Variants in GPC6 observed in about 807,000 individuals in gnomAD.
The protein encoded by GPC6 is glypican-6.
In GPC6, 14 loss-of-function variants were observed where a neutral mutation model predicts 55.2. The observed-to-expected ratio is 0.25, with a 90% CI of 0.17 to 0.40. The LOEUF (loss-of-function observed/expected upper bound fraction) is 0.40, where lower values mean the gene tolerates loss of function less well. Among genes scored for constraint, GPC6 ranks in the 10% least tolerant of loss-of-function variants. GPC6 has a pLI of 1.00. For missense variants in GPC6, 641 were observed against 708.5 expected, an observed-to-expected ratio of 0.90 and a Z score of 1.08; for synonymous variants, 278 against 259.6, an observed-to-expected ratio of 1.07 and a Z score of -0.68.
At chr13:93,957,877 T>C (rs1449022599) in intron 3 of GPC6, among the ~76,000 whole-genome samples, 1 of 152,044 alleles carries the variant, frequency 6.6e-6, no homozygotes. Context: ...GCAGCCTCAA[T>C]TATATTTGAG....
intron 3 of GPC6, among the ~76,000 whole-genome samples, chr13:93,932,398 T>C (rs1188880021): frequency 6.6e-6 from 1 of 152,138 alleles, no homozygotes; most frequent in East Asian, 1.9e-4. Context: ...TAGATTGATG[T>C]GGAAATCACC....
At chr13:94,274,106 C>A (rs920320673) in intron 4 of GPC6, among the ~76,000 whole-genome samples, 16 of 152,102 alleles carry the variant, frequency 1.1e-4, no homozygotes, top group African/African-American at 3.4e-4. Context: ...TTATGAAATA[C>A]AAGGCATCAT....
At chr13:94,315,341 A>C (rs1243613046) in intron 6 of GPC6, among the ~76,000 whole-genome samples, 1 of 152,224 alleles carries the variant, frequency 6.6e-6, no homozygotes, top group Admixed American at 6.5e-5. Flanking sequence ...TATTTCTTGT[A>C]TGTGCCAAGT....
intron 4 of GPC6, among the ~76,000 whole-genome samples, chr13:94,230,465 C>T (rs977956524): frequency 6.6e-6 from 1 of 152,128 alleles, no homozygotes; most frequent in African/African-American, 2.4e-5. Context: ...CATGAACAGT[C>T]CCATCAGTCC....
At chr13:94,379,399 AAC>A (rs1173135278) in intron 6 of GPC6, among the ~76,000 whole-genome samples, 1 of 152,180 alleles carries the variant, frequency 6.6e-6, no homozygotes, top group Non-Finnish European at 1.5e-5. Flanking sequence ...GCACAATGAA[AAC>A]GCACAGCTAC....
chr13:93,304,279 T>C (rs1298102255), intron 1 of GPC6, among the ~76,000 whole-genome samples: 3 of 152,174 alleles, frequency 2.0e-5, no homozygotes, highest in Non-Finnish European at 4.4e-5. Context: ...AACTCTATCC[T>C]AGGGCTTACA....
intron 3 of GPC6, among the ~76,000 whole-genome samples, chr13:93,872,979 A>G (rs879842941): frequency 1.3e-5 from 2 of 151,992 alleles, no homozygotes; most frequent in Non-Finnish European, 1.5e-5. Context: ...AAAGGCTGGC[A>G]TGGATTCAAC....
intron 6 of GPC6, among the ~76,000 whole-genome samples, chr13:94,369,602 C>A (rs1486509847): frequency 6.6e-6 from 1 of 152,130 alleles, no homozygotes; most frequent in Non-Finnish European, 1.5e-5. Context: ...TAATTAATTT[C>A]TCATGCTTTT....
At chr13:93,779,802 A>G (rs1397336785) in intron 2 of GPC6, among the ~76,000 whole-genome samples, 1 of 152,168 alleles carries the variant, frequency 6.6e-6, no homozygotes, top group Non-Finnish European at 1.5e-5. Flanking sequence ...AGCTTAATGT[A>G]GGGAAATGAC....
chr13:94,334,634 G>C (rs1877591710), intron 6 of GPC6, among the ~76,000 whole-genome samples: 1 of 152,158 alleles, frequency 6.6e-6, no homozygotes, highest in Non-Finnish European at 1.5e-5. Context: ...ACTCCAAGTG[G>C]GGCCCCAAAA....
chr13:93,646,837 G>C (rs2139593650), intron 2 of GPC6, among the ~76,000 whole-genome samples: 1 of 149,844 alleles, frequency 6.7e-6, no homozygotes, highest in Non-Finnish European at 1.5e-5. Context: ...TAGATTTTTT[G>C]GTTCCGTGTT....
At chr13:93,836,915 C>A (rs1197294258) in intron 3 of GPC6, among the ~76,000 whole-genome samples, 1 of 152,094 alleles carries the variant, frequency 6.6e-6, no homozygotes, top group Non-Finnish European at 1.5e-5. Context: ...AGAACATTTT[C>A]CCCTCTAGAA....
At chr13:93,599,176 T>C (rs1267744444) in intron 2 of GPC6, among the ~76,000 whole-genome samples, 2 of 152,066 alleles carry the variant, frequency 1.3e-5, no homozygotes, top group African/African-American at 2.4e-5. Flanking sequence ...CTTTGCTGAA[T>C]ATACGTGCAC....
At chr13:94,051,144 G>C (rs1883934957) in intron 4 of GPC6, among the ~76,000 whole-genome samples, 1 of 152,066 alleles carries the variant, frequency 6.6e-6, no homozygotes, top group Non-Finnish European at 1.5e-5. Flanking sequence ...TTACTAGATT[G>C]ATTGCTGTGC....
At chr13:93,279,408 T>C (rs1466523526) in intron 1 of GPC6, among the ~76,000 whole-genome samples, 1 of 152,230 alleles carries the variant, frequency 6.6e-6, no homozygotes, top group African/African-American at 2.4e-5. Flanking sequence ...TATACAATAA[T>C]CACCTCTTAG....
chr13:93,279,089 T>A (rs1566277196), intron 1 of GPC6, among the ~76,000 whole-genome samples: 1 of 152,218 alleles, frequency 6.6e-6, no homozygotes. Flanking sequence ...CTAAGATAAT[T>A]ATGGAAACCA....
chr13:94,173,625 G>C lies in GPC6; in HGVS notation c.878-112724G>C, dbSNP rs528113357. On this transcript the variant is annotated intron_variant, in intron 4 of 8. Coordinates refer to ENST00000377047, the MANE Select transcript of GPC6 (RefSeq NM_005708.5). The stretch of plus-strand genomic sequence containing the variant: ...CCAGTTCTAGAAATATAAATATTTA[G>C]GTTTCAGTGTATGCCCAAGCTAGCA... Among the ~76,000 whole-genome samples, 12 of 152,276 alleles carry C rather than the reference G, an allele frequency of 7.9e-5. No homozygotes were observed. The South Asian group carries it at 8.3e-4, about 11-fold the overall frequency.
chr13:93,826,379 A>G (rs1324579506), intron 2 of GPC6, among the ~76,000 whole-genome samples: 1 of 152,180 alleles, frequency 6.6e-6, no homozygotes, highest in Non-Finnish European at 1.5e-5. Flanking sequence ...CCTGCTTCCC[A>G]CAGTAGGACA....
At chr13:93,640,831 T>TC (rs1879902106) in intron 2 of GPC6, among the ~76,000 whole-genome samples, 1 of 36,674 alleles carries the variant, frequency 2.7e-5, no homozygotes. Context: ...TTCCTTCCTT[T>TC]GTTCCTTCCT....
Sources: allele counts gnomAD v4.1 joint callset (sites outside exome capture counted in the v4.1 genomes callset), GRCh38; gene constraint gnomAD v4.1.1; transcripts MANE v1.5; gene names NCBI Gene and HGNC (gene_info 2026-07-23, HGNC 2026-07-21).